The following FGF12 variants were observed in gnomAD, a reference collection of about 807,000 sequenced individuals.
FGF12 encodes the protein fibroblast growth factor 12, also known as fibroblast growth factor 12B.
FGF12 carries 14 observed loss-of-function variants against 23.6 expected under a neutral mutation model. The ratio of observed to expected loss-of-function variants is 0.59; its 90% confidence interval spans 0.39 to 0.93. The LOEUF is 0.93. Among genes scored for constraint, FGF12 ranks in the 40% least tolerant of loss-of-function variants. The pLI is 0.00. For missense variants in FGF12, 175 were observed against 217.8 expected, an observed-to-expected ratio of 0.80 and a Z score of 1.24; for synonymous variants, 62 against 77.3, an observed-to-expected ratio of 0.80 and a Z score of 1.04.
intron 4 of FGF12, among the ~76,000 whole-genome samples, chr3:192,211,707 G>A (rs1717941034): frequency 6.6e-6 from 1 of 152,108 alleles, no homozygotes. Flanking sequence ...GATTACAGGT[G>A]TGAGCCACCG....
intron 2 of FGF12, among the ~76,000 whole-genome samples, chr3:192,395,693 C>T (rs966533983): frequency 1.1e-4 from 16 of 152,128 alleles, no homozygotes; most frequent in East Asian, 1.9e-4. Flanking sequence ...ACAGACTAAC[C>T]GCAGACAACA....
chr3:192,605,379 CAA>C (rs34154107), intron 2 of FGF12, among the ~76,000 whole-genome samples: 20,986 of 124,544 alleles, frequency 0.17, 1,447 homozygotes, highest in Middle Eastern at 0.23. Context: ...GACTCCGTCT[CAA>C]AAAAAAAAAA....
chr3:192,695,429 A>C (rs1718085382), intron 2 of FGF12, among the ~76,000 whole-genome samples: 2 of 152,306 alleles, frequency 1.3e-5, no homozygotes, highest in South Asian at 2.1e-4. Context: ...ATCATTTTGC[A>C]TGTACATATA....
chr3:192,440,186 C>A (rs1722163428), intron 2 of FGF12, among the ~76,000 whole-genome samples: 3 of 152,118 alleles, frequency 2.0e-5, no homozygotes, highest in African/African-American at 4.8e-5. Context: ...AAAAAATGGT[C>A]TTTGTAGACC....
At chr3:192,692,303 A>G (rs1260951040) in intron 2 of FGF12, among the ~76,000 whole-genome samples, 1 of 152,206 alleles carries the variant, frequency 6.6e-6, no homozygotes, top group Non-Finnish European at 1.5e-5. Context: ...ACTCATCTAA[A>G]AAGTTATACA....
chr3:192,700,550 CAT>C (rs1718258123), intron 2 of FGF12, among the ~76,000 whole-genome samples: 1 of 152,184 alleles, frequency 6.6e-6, no homozygotes, highest in Non-Finnish European at 1.5e-5. Context: ...AACTACTTAA[CAT>C]GTTTGAGCAG....
chr3:192,355,302 C>A (rs1218521278), intron 3 of FGF12, among the ~76,000 whole-genome samples: 1 of 151,982 alleles, frequency 6.6e-6, no homozygotes, highest in Admixed American at 6.6e-5. Flanking sequence ...ATGAAAAAAT[C>A]TTGCAGATAT....
intron 4 of FGF12, among the ~76,000 whole-genome samples, chr3:192,212,609 C>T (rs1453510116): frequency 1.3e-5 from 2 of 152,166 alleles, no homozygotes; most frequent in Non-Finnish European, 2.9e-5. Flanking sequence ...ATGAAGGTTT[C>T]TGCTAGATAC....
chr3:192,632,885 T>C (rs79118472), intron 2 of FGF12, among the ~76,000 whole-genome samples: 14,346 of 152,000 alleles, frequency 0.094, 885 homozygotes, highest in Non-Finnish European at 0.14. Context: ...CTAGAAGCTC[T>C]GGGGGGGAAT....
chr3:192,407,999 A>T (rs1460813378), intron 2 of FGF12: 2 of 1,584,892 alleles, frequency 1.3e-6, no homozygotes, highest in East Asian at 2.3e-5. Flanking sequence ...CCCTCTGGGG[A>T]GCCCACTCTC....
intron 2 of FGF12, among the ~76,000 whole-genome samples, chr3:192,505,062 G>A (rs2076684768): frequency 6.6e-6 from 1 of 152,064 alleles, no homozygotes; most frequent in African/African-American, 2.4e-5. Context: ...GAGTAGACTG[G>A]TACGTATGGT....
At chr3:192,653,530 T>G (rs1716287031) in intron 2 of FGF12, among the ~76,000 whole-genome samples, 2 of 152,162 alleles carry the variant, frequency 1.3e-5, no homozygotes, top group South Asian at 4.1e-4. Context: ...ATTTTTCTCT[T>G]ACAGAGTTTT....
chr3:192,416,680 C>T (rs1560105157), intron 2 of FGF12, among the ~76,000 whole-genome samples: 1 of 151,992 alleles, frequency 6.6e-6, no homozygotes, highest in Non-Finnish European at 1.5e-5. Context: ...TTGAAGAATT[C>T]TAGGATAGTA....
chr3:192,279,144 T>C (rs996866244), intron 4 of FGF12, among the ~76,000 whole-genome samples: 3 of 151,848 alleles, frequency 2.0e-5, no homozygotes, highest in Non-Finnish European at 2.9e-5. Flanking sequence ...ATTTTTCTTA[T>C]GCATAAATTT....
chr3:192,257,474 T>G (rs893917351), intron 4 of FGF12, among the ~76,000 whole-genome samples: 3 of 152,144 alleles, frequency 2.0e-5, no homozygotes, highest in East Asian at 3.9e-4. Context: ...TTTGAGTAAT[T>G]TCTCGGAAAC....
intron 2 of FGF12, among the ~76,000 whole-genome samples, chr3:192,378,095 TTCTTTCTTTCC>T (rs1719645586): frequency 2.4e-5 from 2 of 82,644 alleles, no homozygotes; most frequent in Non-Finnish European, 2.5e-5. Context: ...TCTTTCTTTC[TTCTTTCTTTCC>T]TTCTTTCTCT....
chr3:192,353,821 C>T (rs1163244206), intron 3 of FGF12, among the ~76,000 whole-genome samples: 1 of 152,190 alleles, frequency 6.6e-6, no homozygotes, highest in Non-Finnish European at 1.5e-5. Flanking sequence ...AAATTTTCCA[C>T]AAATATTATT....
At chr3:192,723,668 C>T (rs1218092662) in intron 2 of FGF12, among the ~76,000 whole-genome samples, 1 of 152,050 alleles carries the variant, frequency 6.6e-6, no homozygotes, top group Non-Finnish European at 1.5e-5. Flanking sequence ...TTTAAAACTA[C>T]TTATGCCCAG....
At chr3:192,398,859 G>A (rs1022918673) in intron 2 of FGF12, among the ~76,000 whole-genome samples, 1 of 152,162 alleles carries the variant, frequency 6.6e-6, no homozygotes. Context: ...CCTTAGGTGG[G>A]AAGGAGAGAT....
Sources: allele counts gnomAD v4.1 joint callset (sites outside exome capture counted in the v4.1 genomes callset), GRCh38; gene constraint gnomAD v4.1.1; transcripts MANE v1.5; gene names NCBI Gene and HGNC (gene_info 2026-07-23, HGNC 2026-07-21).